The following SCOC variants were observed in gnomAD, a reference collection of about 807,000 sequenced individuals.
SCOC encodes the protein short coiled coil protein.
A neutral mutation model predicts 9.9 loss-of-function variants in SCOC; 7 were observed. That is an observed-to-expected ratio of 0.71 (90% CI 0.40 to 1.33). The LOEUF is 1.33. Among genes scored for constraint, SCOC ranks in the 40% most tolerant of loss-of-function variants. The pLI, the probability that SCOC is intolerant of heterozygous loss-of-function variation, is 0.01. For synonymous variants in SCOC, 19 were observed against 28.2 expected, an observed-to-expected ratio of 0.67 and a Z score of 1.03; for missense variants, 66 against 89.7, an observed-to-expected ratio of 0.74 and a Z score of 1.07.
At chr4:140,329,599 G>T (rs987160614) in intron 1 of SCOC, among the ~76,000 whole-genome samples, 1 of 151,822 alleles carries the variant, frequency 6.6e-6, no homozygotes, top group Non-Finnish European at 1.5e-5. Context: ...AAACAAATCA[G>T]CAAGAAAAAA....
At position 140,267,066 on chromosome 4, in the gene SCOC, T is replaced by A. The variant is rs189147015; in HGVS notation, c.-19+9656T>A. Among the ~76,000 whole-genome samples, 3 of 152,240 alleles carry A rather than the reference T, an allele frequency of 2.0e-5. No individual in the cohort carries two copies. The East Asian group carries it at 5.8e-4, about 29-fold the overall frequency. On this transcript the variant is annotated intron_variant, in intron 1 of 4. Transcript: ENST00000394205. ...GGAAAAGAGAAAAGGATAGAATATT[T>A]CTGTGGTGAGAAAGAAGGTTATTTG...
intron 2 of SCOC, among the ~76,000 whole-genome samples, chr4:140,359,855 G>T (rs958731159): frequency 6.6e-6 from 1 of 152,160 alleles, no homozygotes; most frequent in Non-Finnish European, 1.5e-5. Flanking sequence ...CAATAGTGAG[G>T]GATAGGACAG....
chr4:140,330,633 G>A (rs1732791940), intron 1 of SCOC, among the ~76,000 whole-genome samples: 1 of 152,144 alleles, frequency 6.6e-6, no homozygotes, highest in African/African-American at 2.4e-5. Context: ...GTTCAAGGAA[G>A]GCATGTGAAA....
chr4:140,299,270 A>G (rs1189133126), intron 1 of SCOC, among the ~76,000 whole-genome samples: 1 of 152,236 alleles, frequency 6.6e-6, no homozygotes, highest in Non-Finnish European at 1.5e-5. Context: ...TGTGCTAGCC[A>G]TTGTGAGGGA....
At chr4:140,270,635 A>G (rs1275914343) in intron 1 of SCOC, among the ~76,000 whole-genome samples, 1 of 152,182 alleles carries the variant, frequency 6.6e-6, no homozygotes, top group Non-Finnish European at 1.5e-5. Context: ...TGGCCCTGGC[A>G]ATGACTAGGA....
In SCOC at chr4:140,307,152, G is replaced by A. The variant is rs963204284; in HGVS notation, c.-18-36469G>A. On this transcript the variant is annotated intron_variant, in intron 1 of 4. Coordinates refer to the SCOC transcript ENST00000394205. ...CCCTCACCAGACATCAAATCTGCTG[G>A]TGTCTTGATCTTGGACTTCCCAGCT... Among the ~76,000 whole-genome samples the A allele has an allele frequency of 7.0e-4, 106 of 152,174 alleles. 5 individuals are homozygous for A. The highest frequency in any genetic ancestry group is 3.2e-3 in the Middle Eastern group (1 of 316).
chr4:140,377,208 G>A (rs1020897192), intron 1 of SCOC, among the ~76,000 whole-genome samples: 3 of 152,130 alleles, frequency 2.0e-5, no homozygotes, highest in Admixed American at 6.5e-5. Flanking sequence ...TTCTCTGTCA[G>A]GGAAATGTCA....
intron 2 of SCOC, among the ~76,000 whole-genome samples, chr4:140,356,119 G>A (rs1727219065): frequency 6.6e-6 from 1 of 152,144 alleles, no homozygotes; most frequent in Non-Finnish European, 1.5e-5. Context: ...AGGCATGGAG[G>A]GTGGAGAGTA....
intron 1 of SCOC, among the ~76,000 whole-genome samples, chr4:140,313,864 A>C (rs1205490503): frequency 6.6e-6 from 1 of 152,126 alleles, no homozygotes; most frequent in South Asian, 2.1e-4. Context: ...GCGGTGGCTC[A>C]TGCCTGTAAT....
At chr4:140,339,312 A>G (rs538555805), upstream of SCOC, among the ~76,000 whole-genome samples, 3 of 152,212 alleles carry the variant, frequency 2.0e-5, no homozygotes, top group East Asian at 5.8e-4. Context: ...AGATGGATTA[A>G]AGACTTAAAT....
At chr4:140,355,795 T>TTA (rs1438475227) in intron 2 of SCOC, among the ~76,000 whole-genome samples, 2 of 152,150 alleles carry the variant, frequency 1.3e-5, no homozygotes, top group African/African-American at 4.8e-5. Context: ...CAAAAGTAAT[T>TTA]TATATATATG....
intron 1 of SCOC, among the ~76,000 whole-genome samples, chr4:140,268,299 G>T (rs1730773763): frequency 6.6e-6 from 1 of 152,144 alleles, no homozygotes; most frequent in South Asian, 2.1e-4. Flanking sequence ...ATAAGGGAGT[G>T]AGTGCCTCTA....
upstream of SCOC, among the ~76,000 whole-genome samples, chr4:140,342,717 G>C (rs182290844): frequency 4.6e-5 from 7 of 152,266 alleles, no homozygotes; most frequent in South Asian, 8.3e-4. Flanking sequence ...GTGATTATTT[G>C]AAATTCTAAA....
intron 1 of SCOC, among the ~76,000 whole-genome samples, chr4:140,319,354 G>A (rs897649657): frequency 6.6e-6 from 1 of 152,114 alleles, no homozygotes; most frequent in African/African-American, 2.4e-5. Flanking sequence ...GCCTCTCAAA[G>A]TGCTGGGATT....
At chr4:140,293,200 C>T (rs762577280) in intron 1 of SCOC, 1 of 422,064 alleles carries the variant, frequency 2.4e-6, no homozygotes, top group African/African-American at 2.0e-5. Flanking sequence ...TGTTTTCTCA[C>T]ATGAAATCTT....
intron 1 of SCOC, among the ~76,000 whole-genome samples, chr4:140,323,259 C>T (rs980692688): frequency 6.6e-6 from 1 of 152,022 alleles, no homozygotes; most frequent in African/African-American, 2.4e-5. Flanking sequence ...CTCTTTTTTG[C>T]TCCTGCTCTA....
intron 1 of SCOC, chr4:140,284,472 A>G (rs957631314): frequency 6.6e-6 from 1 of 152,262 alleles, no homozygotes; most frequent in East Asian, 1.9e-4. Flanking sequence ...GTCCTACAGC[A>G]TAGATTAAGT....
chr4:140,375,312 A>G (rs72939842), intron 1 of SCOC, among the ~76,000 whole-genome samples: 4,735 of 152,324 alleles, frequency 0.031, 240 homozygotes, highest in African/African-American at 0.11. Context: ...CCTACTATGT[A>G]CTAGGTACTG....
At chr4:140,303,220 C>G (rs1731864663) in intron 1 of SCOC, among the ~76,000 whole-genome samples, 1 of 152,124 alleles carries the variant, frequency 6.6e-6, no homozygotes, top group Non-Finnish European at 1.5e-5. Flanking sequence ...TTGGATGGCA[C>G]CAACTGAAGG....
Sources: allele counts gnomAD v4.1 joint callset (sites outside exome capture counted in the v4.1 genomes callset), GRCh38; gene constraint gnomAD v4.1.1; transcripts MANE v1.5; gene names NCBI Gene and HGNC (gene_info 2026-07-23, HGNC 2026-07-21).